Variants in KCNK10 observed in about 807,000 individuals in gnomAD.
KCNK10 encodes the protein potassium two pore domain channel subfamily K member 10.
KCNK10 carries 25 observed loss-of-function variants against 47.7 expected under a neutral mutation model. The ratio of observed to expected loss-of-function variants is 0.52; its 90% confidence interval spans 0.38 to 0.73. KCNK10 has a LOEUF of 0.73. KCNK10 is among the 30% of genes least tolerant of loss of function. KCNK10 has a pLI of 0.00. For missense variants in KCNK10, 563 were observed against 714.5 expected (o/e 0.79, Z 2.42); for synonymous variants, 303 against 285.6 (o/e 1.06, Z -0.61).
At chr14:88,246,079 T>C (rs962418429) in intron 2 of KCNK10, among the ~76,000 whole-genome samples, 1 of 151,778 alleles carries the variant, frequency 6.6e-6, no homozygotes, top group African/African-American at 2.4e-5. Context: ...GTATTAAAAG[T>C]GAGCCTATTT....
At chr14:88,245,144 AT>A (rs1300100197) in intron 2 of KCNK10, among the ~76,000 whole-genome samples, 2 of 152,248 alleles carry the variant, frequency 1.3e-5, no homozygotes, top group Admixed American at 1.3e-4. Flanking sequence ...AAATTTAGAT[AT>A]ATTATCTTCC....
rs777847468 is a variant in KCNK10, at chr14:88,186,029, T to C, written c.1138A>G (p.Met380Val). Residue 380 changes from methionine (M) to valine (V), a missense_variant, in exon 7 of 7, where the codon ATG becomes GTG. Coordinates refer to ENST00000319231, the MANE Select transcript of KCNK10 (RefSeq NM_138317.3). The surrounding 1 kb of genome is among the most constrained non-coding windows in gnomAD (Gnocchi z 5.5). The part of the protein sequence containing the change: ...KLQRAATIRS[M>V]ERRRLGLDQR... Reference sequence around the variant, plus strand: ...TCCAGGCCCAGCCGCCGGCGCTCCATGCTGCGGATGGTGGCCGCCCGCTGC... The same window carrying C: ...TCCAGGCCCAGCCGCCGGCGCTCCACGCTGCGGATGGTGGCCGCCCGCTGC... The C allele has an allele frequency of 1.2e-6, 2 of 1,613,536 alleles. No homozygotes were observed.
Position 88,263,590 on chromosome 14 carries a change from T to C in KCNK10, c.53-39A>G, listed in dbSNP as rs926121281. The stretch of plus-strand genomic sequence containing the variant: ...GTGGGGGACAAAGAAGAAGAGAGTT[T>C]GTTTATAAATAAATACAAAACGTGT... On this transcript the variant is annotated intron_variant, in intron 1 of 6. Transcript: ENST00000319231. The C allele has an allele frequency of 6.6e-6, 10 of 1,526,448 alleles. No individual in the cohort carries two copies. In the African/African-American group the frequency reaches 1.4e-4, roughly 21 times the overall value. 94.6% of individuals were successfully genotyped at this position (1,526,448 alleles called of 1,614,324 possible).
intron 2 of KCNK10, among the ~76,000 whole-genome samples, chr14:88,244,442 G>T (rs1227578020): frequency 6.6e-6 from 1 of 152,220 alleles, no homozygotes; most frequent in Non-Finnish European, 1.5e-5. Context: ...GCCAAGGCAG[G>T]TGGATCACAA....
chr14:88,271,122 C>T (rs1887396519), intron 1 of KCNK10, among the ~76,000 whole-genome samples: 1 of 152,150 alleles, frequency 6.6e-6, no homozygotes, highest in Non-Finnish European at 1.5e-5. Context: ...CAAAACCCAC[C>T]TTACGTGTCC....
At chr14:88,240,037 C>T (rs1381045964) in intron 3 of KCNK10, among the ~76,000 whole-genome samples, 1 of 152,064 alleles carries the variant, frequency 6.6e-6, no homozygotes, top group African/African-American at 2.4e-5. Context: ...CTATGATCAG[C>T]TGCAGAAAGC....
intron 1 of KCNK10, among the ~76,000 whole-genome samples, chr14:88,311,030 A>C (rs556717754): frequency 2.7e-4 from 41 of 152,322 alleles, no homozygotes; most frequent in African/African-American, 9.4e-4. Flanking sequence ...TGAAAATGCA[A>C]TCGCCATTGC....
intron 2 of KCNK10, among the ~76,000 whole-genome samples, chr14:88,261,582 G>A (rs1199649478): frequency 6.6e-6 from 1 of 152,084 alleles, no homozygotes; most frequent in Non-Finnish European, 1.5e-5. Context: ...GTGAAAACCT[G>A]TCTCTACAAA....
intron 4 of KCNK10, among the ~76,000 whole-genome samples, chr14:88,199,217 G>T (rs1371463516): frequency 6.6e-6 from 1 of 152,102 alleles, no homozygotes; most frequent in East Asian, 1.9e-4. Context: ...ACCGTGCCCG[G>T]CCCATGATTT....
chr14:88,241,494 A>C (rs1258333905), intron 2 of KCNK10, among the ~76,000 whole-genome samples: 3 of 147,250 alleles, frequency 2.0e-5, no homozygotes, highest in African/African-American at 4.9e-5. Context: ...ACTCTCCCCC[A>C]CCCCCACACC....
At position 88,180,147 on chromosome 14, in the gene KCNK10, T is replaced by A. The variant is rs1406640588; in HGVS notation, c.*5388A>T. ...AGGTCTTTGTTGCAATTTTTCTCCA[T>A]CATTGAAAAAAAAATTACATCATCA... On this transcript the variant is annotated 3_prime_UTR_variant, in exon 7 of 7. Coordinates refer to ENST00000319231, the MANE Select transcript of KCNK10 (RefSeq NM_138317.3). 1.3e-5 allele frequency: 2 copies of A among 151,692 alleles called. No individual in the cohort carries two copies. Among genetic ancestry groups the A allele is most frequent in the South Asian group, 2.1e-4 (1 of 4,816 alleles). The allele number at this position is 151,692 out of a possible 1,614,324, so 9.4% of individuals were successfully genotyped here. A position where few individuals can be genotyped will look rare whatever the true frequency, so the allele number is the denominator to read the frequency against.
chr14:88,275,307 C>G (rs1887503759), intron 1 of KCNK10, among the ~76,000 whole-genome samples: 1 of 152,170 alleles, frequency 6.6e-6, no homozygotes, highest in South Asian at 2.1e-4. Context: ...GGCTGCTCCC[C>G]CAGTTTCCTG....
intron 5 of KCNK10, among the ~76,000 whole-genome samples, chr14:88,188,448 T>C (rs753991034): frequency 6.6e-5 from 10 of 152,236 alleles, no homozygotes; most frequent in Non-Finnish European, 1.3e-4. Context: ...GGCCTGGTTG[T>C]CATTGTTTTT....
intron 1 of KCNK10, among the ~76,000 whole-genome samples, chr14:88,300,110 G>A (rs1185813509): frequency 6.6e-6 from 1 of 152,016 alleles, no homozygotes; most frequent in Admixed American, 6.6e-5. Context: ...TCTCTTTGCC[G>A]ATTCCCCTCT....
Position 88,214,028 on chromosome 14 carries a change from C to T in KCNK10, c.681+13347G>A, listed in dbSNP as rs1885541985. 4.6e-5 allele frequency among the ~76,000 whole-genome samples: 7 copies of T among 151,762 alleles called. 1 individual carries two copies. Among genetic ancestry groups the T allele is most frequent in the Admixed American group, 3.3e-4 (5 of 15,226 alleles). On this transcript the variant is annotated intron_variant, in intron 4 of 6. Transcript: ENST00000319231. Reference sequence around the variant, plus strand: ...GATCTTGGCTCACTGCAACCTCCGCCTCCCAGGTTCAAGTGATTCTCCTGC... The same window carrying T: ...GATCTTGGCTCACTGCAACCTCCGCTTCCCAGGTTCAAGTGATTCTCCTGC...
rs187548216 is a variant in KCNK10, at chr14:88,202,791, G to A, written c.682-10381C>T. Among the ~76,000 whole-genome samples the A allele has an allele frequency of 2.9e-3, 442 of 152,172 alleles. 4 individuals carry two copies. Among genetic ancestry groups the A allele is most frequent in the African/African-American group, 9.9e-3 (413 of 41,512 alleles). ...GATCTTCCTAGAGTCTTCCGGTTGC[G>A]GGGGGTGGGTGGTGGGAAGCAAAAC... On this transcript the variant is annotated intron_variant, in intron 4 of 6. Coordinates refer to ENST00000319231, the MANE Select transcript of KCNK10 (RefSeq NM_138317.3).
chr14:88,211,826 G>A (rs560526088), intron 4 of KCNK10, among the ~76,000 whole-genome samples: 1 of 150,718 alleles, frequency 6.6e-6, no homozygotes, highest in South Asian at 2.1e-4. Context: ...AACCTGAGAG[G>A]CAGAGGTTGC....
chr14:88,248,808 T>C (rs925599146), intron 2 of KCNK10, among the ~76,000 whole-genome samples: 2 of 151,988 alleles, frequency 1.3e-5, no homozygotes, highest in African/African-American at 4.8e-5. Context: ...TCCCTGAGCA[T>C]AGTTTGATAA....
intron 4 of KCNK10, among the ~76,000 whole-genome samples, chr14:88,199,598 G>T (rs1286038885): frequency 6.6e-6 from 1 of 152,120 alleles, no homozygotes; most frequent in Non-Finnish European, 1.5e-5. Context: ...TGCCTCGCTG[G>T]CTCCTCTAGG....
Sources: allele counts gnomAD v4.1 joint callset (sites outside exome capture counted in the v4.1 genomes callset), GRCh38; gene constraint gnomAD v4.1.1; non-coding constraint Gnocchi (gnomAD v3.1); transcripts MANE v1.5; gene names NCBI Gene and HGNC (gene_info 2026-07-23, HGNC 2026-07-21).